ULK2: variants seen among roughly 807,000 people sequenced by gnomAD.
ULK2 encodes the protein unc-51 like autophagy activating kinase 2.
ULK2 carries 76 observed loss-of-function variants against 127.5 expected under a neutral mutation model. The ratio of observed to expected loss-of-function variants is 0.60; its 90% CI spans 0.50 to 0.72. ULK2 has a LOEUF of 0.72. Among genes scored for constraint, ULK2 ranks in the 30% least tolerant of loss-of-function variants. ULK2 has a pLI of 0.00. For synonymous variants in ULK2, 452 were observed against 461.9 expected (o/e 0.98, Z 0.28); for missense variants, 1,144 against 1,295.9 (o/e 0.88, Z 1.80).
chr17:19,862,823 A>G (rs2042271294), intron 3 of ULK2, among the ~76,000 whole-genome samples: 1 of 152,140 alleles, frequency 6.6e-6, no homozygotes. Context: ...GTCTCACCCC[A>G]CTAAAACTAA....
chr17:19,842,199 T>C lies in ULK2; in HGVS notation c.646-652A>G, dbSNP rs930190332. Among the ~76,000 whole-genome samples, 62 of 145,194 alleles carry C rather than the reference T, an allele frequency of 4.3e-4. 1 individual carries two copies. The highest frequency in any genetic ancestry group is 3.0e-5 in the Non-Finnish European group (2 of 66,112). On this transcript the variant is annotated intron_variant, in intron 8 of 26. Transcript: ENST00000395544. Reference sequence around the variant, plus strand: ...CACTAATTTTCTTTTTCTTTTTTTTTTTTTTTTTTTTTTTTGAGACAGAGT... The same window carrying C: ...CACTAATTTTCTTTTTCTTTTTTTTCTTTTTTTTTTTTTTTGAGACAGAGT...
chr17:19,776,398 C>G lies in ULK2; in HGVS notation c.3062G>C (p.Ser1021Thr). Residue 1021 changes from serine (S) to threonine (T), a missense_variant, in exon 27 of 27, where the codon AGT (serine) becomes ACT (threonine). Coordinates refer to ENST00000395544, the MANE Select transcript of ULK2 (RefSeq NM_014683.4). ...DIENVHKYKC[S>T]IERRLSALCH... ...GAGCGCCGACAGTCTTCTCTCAATA[C>G]TACATTTATCTAGAAATAAAATAAC... 1 of 1,595,090 alleles carries G rather than the reference C, an allele frequency of 6.3e-7. No individual in the cohort carries two copies. The highest frequency in any genetic ancestry group is 8.5e-7 in the Non-Finnish European group (1 of 1,170,932).
At chr17:19,812,880 A>G (rs376053106) in intron 13 of ULK2, among the ~76,000 whole-genome samples, 34 of 152,260 alleles carry the variant, frequency 2.2e-4, no homozygotes, top group African/African-American at 7.9e-4. Context: ...CCTTTCCCCA[A>G]CCTTATGCAG....
chr17:19,805,449 A>C (rs541448943), intron 14 of ULK2, among the ~76,000 whole-genome samples: 1 of 152,244 alleles, frequency 6.6e-6, no homozygotes, highest in South Asian at 2.1e-4. Context: ...TCCTAAAAAC[A>C]TATCAGAGAT....
At chr17:19,803,855 T>C (rs532900388) in intron 15 of ULK2, among the ~76,000 whole-genome samples, 7 of 152,176 alleles carry the variant, frequency 4.6e-5, no homozygotes, top group Non-Finnish European at 7.3e-5. Context: ...GACATACATA[T>C]ATGTAGAATT....
chr17:19,822,649 T>C (rs886836683), intron 12 of ULK2, among the ~76,000 whole-genome samples: 3 of 151,848 alleles, frequency 2.0e-5, no homozygotes, highest in African/African-American at 7.3e-5. Flanking sequence ...ATTATAGGCA[T>C]GAACCACCAC....
rs147422998 is a variant in ULK2 at position 19,783,757 on chromosome 17, G to A, written c.2400C>T (p.Pro800=). ...CAAAGGTGATGAGCCCCTCTAGGCT[G>A]GGGGGTGAAGCACCGTAAGGCACGT... ...LRYVPYGASP[P]SLEGLITFEA... is the part of the protein sequence containing the mutation. Residue 800 remains proline (P), a synonymous_variant, in exon 22 of 27, where the codon CCC becomes CCT. Transcript: ENST00000395544. 83 of 1,598,096 alleles carry A rather than the reference G, an allele frequency of 5.2e-5. No homozygotes were observed. The African/African-American group carries it at 1.0e-3, about 20-fold the overall frequency.
rs372309387 is a variant in ULK2 at position 19,782,113 on chromosome 17, C to T, written c.2461-46G>A. 73 of 1,566,504 alleles carry T rather than the reference C, an allele frequency of 4.7e-5. No homozygotes were observed. In the Middle Eastern group the frequency reaches 8.4e-4, roughly 18 times the overall value. On this transcript the variant is annotated intron_variant, in intron 22 of 26. Transcript: ENST00000395544. ...CTTAGAAAATTTCAGATTAAAAATA[C>T]GTACATACTCATTTCTGTACATAAA...
chr17:19,801,947 T>C (rs748489846), intron 15 of ULK2, 25 bp from the exon 16 acceptor site: 3 of 1,579,332 alleles, frequency 1.9e-6, no homozygotes, highest in Non-Finnish European at 2.6e-6. Context: ...ATTCCTTCTA[T>C]AAAAGGTTCT....
chr17:19,841,149 G>A (rs545664127), intron 9 of ULK2, among the ~76,000 whole-genome samples: 1 of 152,162 alleles, frequency 6.6e-6, no homozygotes, highest in Admixed American at 6.6e-5. Context: ...CAGAGACACA[G>A]CAAACTCTTG....
chr17:19,799,598 G>T (rs1393556417), intron 16 of ULK2, 23 bp from the exon 17 acceptor site: 9 of 783,478 alleles, frequency 1.1e-5, no homozygotes, highest in Middle Eastern at 3.2e-4. Context: ...AAAAAAAAAA[G>T]ATGGGGAAAG....
intron 3 of ULK2, among the ~76,000 whole-genome samples, chr17:19,855,067 T>C (rs1350384224): frequency 7.2e-6 from 1 of 138,782 alleles, no homozygotes; most frequent in African/African-American, 2.7e-5. Context: ...GCCACTGTAC[T>C]CCAGACTTGG....
rs1207584072 is a variant in ULK2 at position 19,774,617 on chromosome 17, C to A, written c.*1732G>T. The A allele has an allele frequency of 6.6e-6, 1 of 152,166 alleles. No individual in the cohort carries two copies. The highest frequency in any genetic ancestry group is 1.5e-5 in the Non-Finnish European group (1 of 68,036). 9.4% of individuals were successfully genotyped at this position (152,166 alleles called of 1,614,324 possible). The stretch of plus-strand genomic sequence containing the variant: ...GTAAAACAGTCTATGTTCCTGGAAG[C>A]CTGCATGACAGTAGCCAAGATCTAA... On this transcript the variant is annotated 3_prime_UTR_variant, in exon 27 of 27. Coordinates refer to ENST00000395544, the MANE Select transcript of ULK2 (RefSeq NM_014683.4).
At chr17:19,851,044 G>T (rs183036340) in intron 3 of ULK2, among the ~76,000 whole-genome samples, 26 of 151,956 alleles carry the variant, frequency 1.7e-4, no homozygotes, top group Admixed American at 1.6e-3. Context: ...CGGGTACAGT[G>T]GCTCATGCCT....
intron 20 of ULK2, among the ~76,000 whole-genome samples, chr17:19,794,956 A>C (rs140160584): frequency 5.1e-4 from 78 of 151,926 alleles, no homozygotes; most frequent in Middle Eastern, 3.4e-3. Context: ...GCGGGCGCCT[A>C]TAGTCCCAAC....
intron 12 of ULK2, among the ~76,000 whole-genome samples, chr17:19,817,856 A>G (rs550508034): frequency 6.6e-6 from 1 of 152,140 alleles, no homozygotes; most frequent in Non-Finnish European, 1.5e-5. Flanking sequence ...GGTCACTGAT[A>G]CCACTTATTT....
intron 13 of ULK2, among the ~76,000 whole-genome samples, chr17:19,812,327 A>G (rs996231516): frequency 6.6e-6 from 1 of 152,208 alleles, no homozygotes; most frequent in Non-Finnish European, 1.5e-5. Flanking sequence ...TGATGAATAC[A>G]TTAATTTATT....
chr17:19,794,330 G>A (rs1338981403), intron 20 of ULK2, among the ~76,000 whole-genome samples: 2 of 152,254 alleles, frequency 1.3e-5, no homozygotes, highest in South Asian at 2.1e-4. Context: ...GGGAATACCA[G>A]AAGAATGAGA....
chr17:19,803,056 A>T (rs1267064547), intron 15 of ULK2, among the ~76,000 whole-genome samples: 1 of 152,236 alleles, frequency 6.6e-6, no homozygotes, highest in Non-Finnish European at 1.5e-5. Flanking sequence ...ATTTTTGCTT[A>T]AAAGCTCAAG....
Sources: gnomAD v4.1 joint callset for allele counts (sites outside exome capture counted in the v4.1 genomes callset) on GRCh38, gnomAD v4.1.1 for gene constraint, MANE v1.5 for transcripts, NCBI Gene and HGNC (gene_info 2026-07-23, HGNC 2026-07-21) for gene names.